The following CCSER1 variants were observed in gnomAD, a reference collection of about 807,000 sequenced individuals.
The protein encoded by CCSER1 is serine-rich coiled-coil domain-containing protein 1.
Under a neutral mutation model 82.0 loss-of-function variants are expected in CCSER1, and 41 were observed. That is an observed-to-expected ratio of 0.50 (90% confidence interval 0.39 to 0.65). CCSER1 has a LOEUF of 0.65. Ranked by LOEUF, CCSER1 falls within the 30% of genes least tolerant of loss-of-function variation. CCSER1 has a pLI of 0.00. For missense variants in CCSER1, 1,119 were observed against 1,064.2 expected, an observed-to-expected ratio of 1.05 and a Z score of -0.72; for synonymous variants, 414 against 383.9, an observed-to-expected ratio of 1.08 and a Z score of -0.92.
chr4:90,306,913 T>C (rs1734380389), intron 1 of CCSER1, among the ~76,000 whole-genome samples: 3 of 152,206 alleles, frequency 2.0e-5, no homozygotes, highest in Admixed American at 2.0e-4. Context: ...AATAGCAATA[T>C]TTGCTGTACA....
chr4:91,456,575 A>G (rs537377288), intron 10 of CCSER1, among the ~76,000 whole-genome samples: 1 of 152,062 alleles, frequency 6.6e-6, no homozygotes, highest in East Asian at 1.9e-4. Context: ...AGTTTTTTTC[A>G]TGTATTGAAG....
chr4:90,540,067 G>T (rs987985376), intron 5 of CCSER1, among the ~76,000 whole-genome samples: 1 of 152,086 alleles, frequency 6.6e-6, no homozygotes, highest in African/African-American at 2.4e-5. Flanking sequence ...AGTTTGTGCA[G>T]TTAGATTTTG....
chr4:90,620,039 C>T (rs76914645), intron 5 of CCSER1, among the ~76,000 whole-genome samples: 2,081 of 152,118 alleles, frequency 0.014, 54 homozygotes, highest in African/African-American at 0.048. Context: ...GTTTTATGCT[C>T]ATAGGATACT....
intron 10 of CCSER1, among the ~76,000 whole-genome samples, chr4:91,260,183 A>G (rs919653260): frequency 1.3e-5 from 2 of 152,168 alleles, no homozygotes; most frequent in Non-Finnish European, 2.9e-5. Flanking sequence ...TGGTGAGCTT[A>G]CACTTTCTCC....
chr4:90,254,567 G>A (rs1722935793), intron 1 of CCSER1, among the ~76,000 whole-genome samples: 2 of 152,136 alleles, frequency 1.3e-5, no homozygotes, highest in South Asian at 4.1e-4. Context: ...CTGCAGTGGA[G>A]CTTCAGCAGC....
intron 6 of CCSER1, among the ~76,000 whole-genome samples, chr4:90,639,522 G>A (rs1050946710): frequency 6.6e-6 from 1 of 151,934 alleles, no homozygotes; most frequent in African/African-American, 2.4e-5. Flanking sequence ...GAGAACTCAG[G>A]GTGACAGACC....
intron 10 of CCSER1, among the ~76,000 whole-genome samples, chr4:91,556,287 T>G (rs1377952714): frequency 5.1e-5 from 4 of 78,354 alleles, no homozygotes; most frequent in Admixed American, 2.3e-4. Context: ...ACCCAACTTA[T>G]CTGTAAACTG....
intron 10 of CCSER1, among the ~76,000 whole-genome samples, chr4:91,173,531 T>C (rs1245863153): frequency 1.4e-5 from 2 of 146,540 alleles, no homozygotes; most frequent in East Asian, 4.0e-4. Flanking sequence ...GAGGTGGAGG[T>C]TGAAGTGATC....
chr4:91,264,976 G>A (rs765349885), intron 10 of CCSER1, among the ~76,000 whole-genome samples: 2 of 151,854 alleles, frequency 1.3e-5, no homozygotes, highest in Non-Finnish European at 2.9e-5. Flanking sequence ...TCTTTCTGTT[G>A]TTTGGCTAAA....
At chr4:91,020,549 T>C (rs10020651) in intron 9 of CCSER1, among the ~76,000 whole-genome samples, 145,323 of 152,156 alleles carry the variant, frequency 0.96, 69,468 homozygotes, top group African/African-American at 0.98. Context: ...GTAGTCCCAG[T>C]TACTCGGGAG....
chr4:90,723,507 T>C (rs1380998421), intron 6 of CCSER1, among the ~76,000 whole-genome samples: 3 of 151,860 alleles, frequency 2.0e-5, no homozygotes, highest in Non-Finnish European at 2.9e-5. Context: ...TAAATCTTTA[T>C]AGAAGAAAAA....
chr4:90,716,152 G>T (rs898505722), intron 6 of CCSER1, among the ~76,000 whole-genome samples: 11 of 151,572 alleles, frequency 7.3e-5, no homozygotes, highest in African/African-American at 2.4e-4. Context: ...TCTGTAGAAG[G>T]TTATATAATA....
At chr4:91,354,671 G>C (rs111317076) in intron 10 of CCSER1, among the ~76,000 whole-genome samples, 3,005 of 152,250 alleles carry the variant, frequency 0.02, 90 homozygotes, top group African/African-American at 0.067. Context: ...CTTTTAGGAC[G>C]AAAAATATGT....
At chr4:91,332,081 A>G (rs1009305195) in intron 10 of CCSER1, among the ~76,000 whole-genome samples, 4 of 152,078 alleles carry the variant, frequency 2.6e-5, no homozygotes, top group African/African-American at 9.7e-5. Flanking sequence ...AATGTACTAT[A>G]TTGGTTTATT....
At chr4:91,286,678 ATTG>A (rs144220683) in intron 10 of CCSER1, among the ~76,000 whole-genome samples, 29,755 of 151,580 alleles carry the variant, frequency 0.2, 3,697 homozygotes, top group Non-Finnish European at 0.26. Flanking sequence ...CAATTTGGTT[ATTG>A]TTTTCCATTT....
chr4:90,964,253 G>T (rs1734317758), intron 9 of CCSER1, among the ~76,000 whole-genome samples: 1 of 152,082 alleles, frequency 6.6e-6, no homozygotes, highest in Non-Finnish European at 1.5e-5. Context: ...TTTCCAAATT[G>T]AAGTATTCCC....
At chr4:90,727,868 TG>T (rs1195381342) in intron 7 of CCSER1, among the ~76,000 whole-genome samples, 6 of 152,196 alleles carry the variant, frequency 3.9e-5, no homozygotes, top group African/African-American at 7.2e-5. Context: ...TAATATTTTT[TG>T]ATTAGATATG....
chr4:90,799,628 G>A (rs552036401), intron 7 of CCSER1, among the ~76,000 whole-genome samples: 7 of 152,166 alleles, frequency 4.6e-5, no homozygotes, highest in East Asian at 3.9e-4. Context: ...TGCTCAGGTC[G>A]CGCAGGCCCC....
chr4:90,388,008 T>A (rs1309188738), intron 3 of CCSER1, among the ~76,000 whole-genome samples: 3 of 152,156 alleles, frequency 2.0e-5, no homozygotes, highest in Non-Finnish European at 4.4e-5. Flanking sequence ...CTCTCAGACT[T>A]TGAGTTTGGC....
Sources: gnomAD v4.1 joint callset for allele counts (sites outside exome capture counted in the v4.1 genomes callset) on GRCh38, gnomAD v4.1.1 for gene constraint, MANE v1.5 for transcripts, NCBI Gene and HGNC (gene_info 2026-07-23, HGNC 2026-07-21) for gene names.